Variants in SGIP1 observed in about 807,000 individuals in gnomAD.
The protein encoded by SGIP1 is SH3GL interacting endocytic adaptor 1.
Under a neutral mutation model 107.5 loss-of-function variants are expected in SGIP1, and 38 were observed. The observed-to-expected ratio is 0.35, with a 90% confidence interval of 0.27 to 0.46. The LOEUF is 0.46. Among genes scored for constraint, SGIP1 ranks in the 20% least tolerant of loss-of-function variants. SGIP1 has a pLI of 1.00. For synonymous variants in SGIP1, 365 were observed against 366.1 expected (o/e 1.00, Z 0.03); for missense variants, 929 against 1,019.5 (o/e 0.91, Z 1.21).
intron 7 of SGIP1, among the ~76,000 whole-genome samples, chr1:66,649,127 T>G (rs990751940): frequency 6.6e-6 from 1 of 152,226 alleles, no homozygotes; most frequent in Non-Finnish European, 1.5e-5. Context: ...TGTCCTGGGT[T>G]AAAATGTATC....
At chr1:66,626,960 C>T (rs916704718) in intron 2 of SGIP1, among the ~76,000 whole-genome samples, 1 of 152,090 alleles carries the variant, frequency 6.6e-6, no homozygotes, top group Non-Finnish European at 1.5e-5. Flanking sequence ...TAAATTTTGT[C>T]ACAAGATCCT....
At chr1:66,559,931 T>C (rs2058695556) in intron 1 of SGIP1, among the ~76,000 whole-genome samples, 1 of 151,996 alleles carries the variant, frequency 6.6e-6, no homozygotes, top group Admixed American at 6.6e-5. Flanking sequence ...GGAATGAATA[T>C]CTGAAATAAG....
intron 18 of SGIP1, among the ~76,000 whole-genome samples, chr1:66,718,310 G>A (rs1002308924): frequency 6.6e-6 from 1 of 151,896 alleles, no homozygotes; most frequent in African/African-American, 2.4e-5. Context: ...ACCATGCCTA[G>A]AGATCAATAA....
intron 18 of SGIP1, among the ~76,000 whole-genome samples, chr1:66,715,772 C>T (rs1157917564): frequency 6.6e-6 from 1 of 152,038 alleles, no homozygotes; most frequent in Non-Finnish European, 1.5e-5. Context: ...ATTCTTCTAC[C>T]AAGCAAGTTT....
At chr1:66,589,216 A>ATATATGTGTGTG (rs1553238978) in intron 1 of SGIP1, among the ~76,000 whole-genome samples, 11 of 96,422 alleles carry the variant, frequency 1.1e-4, no homozygotes, top group African/African-American at 3.7e-4. Context: ...ATATATATAT[A>ATATATGTGTGTG]TGTAAGGCTT....
At chr1:66,664,899 G>A (rs113778093) in intron 8 of SGIP1, among the ~76,000 whole-genome samples, 2,052 of 152,262 alleles carry the variant, frequency 0.013, 22 homozygotes, top group Non-Finnish European at 0.018. Context: ...TAAATTGATA[G>A]CAGCCATAAT....
At chr1:66,676,206 C>T (rs1352823612) in intron 12 of SGIP1, among the ~76,000 whole-genome samples, 4 of 152,228 alleles carry the variant, frequency 2.6e-5, no homozygotes, top group African/African-American at 7.2e-5. Context: ...CAAGGTCCTA[C>T]GGTCAGTGCA....
At chr1:66,655,653 T>C (rs1268129570) in intron 7 of SGIP1, among the ~76,000 whole-genome samples, 1 of 152,212 alleles carries the variant, frequency 6.6e-6, no homozygotes, top group Non-Finnish European at 1.5e-5. Flanking sequence ...TGTTACTATG[T>C]TGAATACCAT....
intron 7 of SGIP1, among the ~76,000 whole-genome samples, chr1:66,655,103 C>G (rs2149621903): frequency 6.6e-6 from 1 of 152,204 alleles, no homozygotes; most frequent in Middle Eastern, 3.4e-3. Context: ...CCAACAGTTA[C>G]TAAATGTCCA....
intron 18 of SGIP1, among the ~76,000 whole-genome samples, chr1:66,708,418 A>T (rs150749850): frequency 6.6e-6 from 1 of 152,198 alleles, no homozygotes; most frequent in Non-Finnish European, 1.5e-5. Context: ...ATTTGGCTGT[A>T]TGAGTCTTCA....
Position 66,733,777 on chromosome 1 carries a change from A to G in SGIP1, c.1928A>G (p.Lys643Arg). 1 of 1,613,526 alleles carries G rather than the reference A, an allele frequency of 6.2e-7. No individual in the cohort carries two copies. The highest frequency in any genetic ancestry group is 8.5e-7 in the Non-Finnish European group (1 of 1,179,684). The change falls in exon 21 of 25, where the codon AAG (lysine) becomes AGG (arginine). Residue 643 changes from lysine (K) to arginine (R), a missense_variant. This residue lies in a region of SGIP1 where 341 missense variants were observed against 430.9 expected (regional missense o/e 0.79). Transcript: ENST00000371037. ...CDNTQNDANTKEFWVNMPNLM... is the reference protein window; with the variant it reads ...CDNTQNDANTREFWVNMPNLM... ...AATACACAAAATGATGCCAATACCA[A>G]GGAATTCTGGGTAAACATGCCAAAT...
At chr1:66,566,839 G>C (rs12122384) in intron 1 of SGIP1, among the ~76,000 whole-genome samples, 46,802 of 151,618 alleles carry the variant, frequency 0.31, 7,723 homozygotes, top group South Asian at 0.55. Flanking sequence ...TTAGGTATTT[G>C]TACTAATGCT....
At chr1:66,691,760 A>G (rs1024328341) in intron 17 of SGIP1, among the ~76,000 whole-genome samples, 2 of 152,172 alleles carry the variant, frequency 1.3e-5, no homozygotes, top group Non-Finnish European at 1.5e-5. Context: ...CAGAGAGGAA[A>G]GTAAGAGTAA....
intron 1 of SGIP1, among the ~76,000 whole-genome samples, chr1:66,541,552 T>C (rs10889625): frequency 0.69 from 104,997 of 152,160 alleles, 36,788 homozygotes; most frequent in East Asian, 1. Context: ...GTAAATGCCA[T>C]GAAAGTGTCA....
chr1:66,581,668 C>T (rs2061843311), intron 1 of SGIP1, among the ~76,000 whole-genome samples: 1 of 151,962 alleles, frequency 6.6e-6, no homozygotes, highest in South Asian at 2.1e-4. Flanking sequence ...CAGCTCAGCT[C>T]AAGATGAGTT....
intron 18 of SGIP1, among the ~76,000 whole-genome samples, chr1:66,711,987 T>C (rs1024495962): frequency 4.6e-5 from 7 of 152,074 alleles, no homozygotes; most frequent in African/African-American, 1.7e-4. Context: ...AGAAGCACAG[T>C]CAAGACTGAA....
At chr1:66,673,888 C>T (rs2084509431) in intron 12 of SGIP1, among the ~76,000 whole-genome samples, 1 of 152,124 alleles carries the variant, frequency 6.6e-6, no homozygotes, top group Non-Finnish European at 1.5e-5. Context: ...AGAAATAAGG[C>T]CAGGTGTGGT....
At chr1:66,678,858 A>C (rs746488899) in intron 13 of SGIP1, among the ~76,000 whole-genome samples, 5 of 152,208 alleles carry the variant, frequency 3.3e-5, no homozygotes, top group Non-Finnish European at 4.4e-5. Flanking sequence ...CGGCATTCAG[A>C]TTCACAGCTA....
intron 1 of SGIP1, among the ~76,000 whole-genome samples, chr1:66,573,400 G>C (rs1018112869): frequency 2.6e-5 from 4 of 152,034 alleles, no homozygotes; most frequent in Admixed American, 2.6e-4. Context: ...CAGCAATCTC[G>C]TTACTGGGTA....
Sources: gnomAD v4.1 joint callset for allele counts (sites outside exome capture counted in the v4.1 genomes callset) on GRCh38, gnomAD v4.1.1 for gene constraint, gnomAD v4.1.1 regional missense constraint, MANE v1.5 for transcripts, NCBI Gene and HGNC (gene_info 2026-07-23, HGNC 2026-07-21) for gene names.